TYMS: variants seen among roughly 807,000 people sequenced by gnomAD.
TYMS encodes thymidylate synthase.
Under a neutral mutation model 39.3 loss-of-function variants are expected in TYMS, and 21 were observed. That is an observed-to-expected ratio of 0.54 (90% confidence interval 0.38 to 0.77). The LOEUF is 0.77. TYMS is among the 30% of genes least tolerant of loss of function. The pLI is 0.00. For missense variants in TYMS, 273 were observed against 406.7 expected, an observed-to-expected ratio of 0.67 and a Z score of 2.83; for synonymous variants, 171 against 162.2, an observed-to-expected ratio of 1.05 and a Z score of -0.41.
In TYMS at chr18:659,230, C is replaced by G. The variant is rs138119499; in HGVS notation, c.206-411C>G. Among the ~76,000 whole-genome samples, 435 of 152,284 alleles carry G rather than the reference C, an allele frequency of 2.9e-3. 3 individuals are homozygous for G. Among genetic ancestry groups the G allele is most frequent in the African/African-American group, 9.8e-3 (409 of 41,556 alleles). On this transcript the variant is annotated intron_variant, in intron 1 of 6. Coordinates refer to ENST00000323274, the MANE Select transcript of TYMS (RefSeq NM_001071.4). ...GACTGCATTTAAAGATAAGTTTTTA[C>G]ACTTTCATTTCTCTGTGGCTCGACA... is the stretch of plus-strand genomic sequence containing the variant.
At chr18:664,142 C>T (rs1157382424) in intron 3 of TYMS, among the ~76,000 whole-genome samples, 1 of 151,670 alleles carries the variant, frequency 6.6e-6, no homozygotes, top group Non-Finnish European at 1.5e-5. Context: ...ATTCTTCCTA[C>T]CCATGAGCAT....
In TYMS at chr18:670,837, G is replaced by C. The variant is rs769045087; in HGVS notation, c.702G>C (p.Thr234=). 6.2e-7 allele frequency: 1 copy of C among 1,613,890 alleles called. No homozygotes were observed. The highest frequency in any genetic ancestry group is 1.3e-5 in the African/African-American group (1 of 74,862). ...PFNIASYALL[T]YMIAHITGLK... ...ACATCGCCAGCTACGCCCTGCTCAC[G>C]TACATGATTGCGCACATCACGGGCC... The change falls in exon 5 of 7, where the codon ACG becomes ACC. Residue 234 remains threonine, a synonymous_variant. Transcript: ENST00000323274.
chr18:668,935 G>A, intron 3 of TYMS, 137 bp from the exon 4 acceptor site: 1 of 622,994 alleles, frequency 1.6e-6, no homozygotes, highest in Non-Finnish European at 2.7e-6. Context: ...AAACTTTGCA[G>A]GATGCACCAG....
intron 2 of TYMS, among the ~76,000 whole-genome samples, chr18:661,811 C>T (rs1040694689): frequency 6.6e-6 from 1 of 152,178 alleles, no homozygotes; most frequent in African/African-American, 2.4e-5. Context: ...CATGGAGAAA[C>T]ACTGTCTCTA....
intron 2 of TYMS, among the ~76,000 whole-genome samples, chr18:661,015 T>G (rs1326441175): frequency 6.6e-6 from 1 of 152,218 alleles, no homozygotes; most frequent in Non-Finnish European, 1.5e-5. Context: ...ACCTTGGATT[T>G]GAAACATATC....
chr18:668,818 C>A lies in TYMS; in HGVS notation c.455-254C>A, dbSNP rs553713794. ...CAGGAGGAGGTGACTCCATGACAGA[C>A]CAAATATTCAAAGGACTGTGTAGAA... On this transcript the variant is annotated intron_variant, in intron 3 of 6. Coordinates refer to ENST00000323274, the MANE Select transcript of TYMS (RefSeq NM_001071.4). Among the ~76,000 whole-genome samples, 13 of 152,098 alleles carry A rather than the reference C, an allele frequency of 8.5e-5. No homozygotes were observed. The East Asian group carries it at 1.5e-3, about 18-fold the overall frequency.
chr18:668,598 T>C (rs903313939), intron 3 of TYMS, among the ~76,000 whole-genome samples: 1 of 152,208 alleles, frequency 6.6e-6, no homozygotes, highest in Non-Finnish European at 1.5e-5. Context: ...GAATCCATGG[T>C]CCTCTGTTAG....
chr18:661,441 G>C (rs1281219651), intron 2 of TYMS, among the ~76,000 whole-genome samples: 1 of 152,226 alleles, frequency 6.6e-6, no homozygotes, highest in Non-Finnish European at 1.5e-5. Context: ...CTGTATGCCA[G>C]GTAGAAGATA....
chr18:658,364 C>T lies in TYMS; in HGVS notation c.205+417C>T. The T allele has an allele frequency of 7.8e-7, 1 of 1,289,170 alleles. No homozygotes were observed. The highest frequency in any genetic ancestry group is 1.0e-6 in the Non-Finnish European group (1 of 989,406). The allele number at this position is 1,289,170 out of a possible 1,614,324, so 79.9% of individuals were successfully genotyped here. Reference sequence around the variant, plus strand: ...CCGTTTTCCCCTGTGGACCATTCCGCTTCGCAGCGTTTTCAAAAACTGGAG... The same window carrying T: ...CCGTTTTCCCCTGTGGACCATTCCGTTTCGCAGCGTTTTCAAAAACTGGAG... On this transcript the variant is annotated intron_variant, in intron 1 of 6. Transcript: ENST00000323274. The surrounding 1 kb of genome is among the most constrained non-coding windows in gnomAD (Gnocchi z 4.5).
In TYMS at chr18:673,345, A is replaced by C; in HGVS notation, c.*348A>C. 4.3e-6 allele frequency: 1 copy of C among 231,746 alleles called. No individual in the cohort carries two copies. Among genetic ancestry groups the C allele is most frequent in the South Asian group, 1.7e-4 (1 of 5,870 alleles). 14.4% of individuals were successfully genotyped at this position (231,746 alleles called of 1,614,324 possible). On this transcript the variant is annotated 3_prime_UTR_variant, in exon 7 of 7. Transcript: ENST00000323274. ...GTGAATTTCACAAGCTATTTTTGGA[A>C]TATTTTTAGAATATTTTAAGAATTT...
intron 3 of TYMS, among the ~76,000 whole-genome samples, chr18:668,313 A>C (rs1322972421): frequency 1.3e-5 from 2 of 152,222 alleles, no homozygotes; most frequent in African/African-American, 4.8e-5. Flanking sequence ...CTACTGAACC[A>C]GAATATAGTC....
chr18:672,038 C>T (rs1449116295), intron 6 of TYMS: 2 of 152,338 alleles, frequency 1.3e-5, no homozygotes, highest in Admixed American at 6.5e-5. Flanking sequence ...CCTCAGCCTC[C>T]GAAAATTCTG....
chr18:662,419 A>T (rs976615554), intron 3 of TYMS, 99 bp downstream of exon 3: 34 of 1,153,948 alleles, frequency 2.9e-5, no homozygotes, highest in Non-Finnish European at 4.1e-5. Context: ...AGTCAATGTC[A>T]CAGGAGCTGA....
At chr18:669,943 CAG>C (rs963280240) in intron 4 of TYMS, among the ~76,000 whole-genome samples, 14 of 151,878 alleles carry the variant, frequency 9.2e-5, no homozygotes, top group African/African-American at 3.1e-4. Flanking sequence ...GCCTGGGCAA[CAG>C]AGTGAGACCC....
chr18:659,975 G>A (rs2074740461), intron 2 of TYMS, among the ~76,000 whole-genome samples: 2 of 152,248 alleles, frequency 1.3e-5, no homozygotes, highest in South Asian at 4.1e-4. Flanking sequence ...TCAGGAGGCT[G>A]AGGCATGAGA....
chr18:672,641 G>A (rs1598484730), intron 6 of TYMS: 5 of 399,304 alleles, frequency 1.3e-5, no homozygotes, highest in East Asian at 7.1e-5. Flanking sequence ...CTGATGCTGT[G>A]TAATGTCACA....
Position 658,146 on chromosome 18 carries a change from A to G in TYMS, c.205+199A>G. The G allele has an allele frequency of 6.3e-7, 1 of 1,581,784 alleles. No homozygotes were observed. The highest frequency in any genetic ancestry group is 8.6e-7 in the Non-Finnish European group (1 of 1,166,754). On this transcript the variant is annotated intron_variant, in intron 1 of 6. Coordinates refer to ENST00000323274, the MANE Select transcript of TYMS (RefSeq NM_001071.4). This position sits in a 1 kb window ranked among gnomAD's most constrained non-coding sequence, Gnocchi z 4.5. ...TAGGGACGTGACTGGCGCGGGCAAC[A>G]CACACAGCAGCGACAGCCGGGAGGT...
rs200491273 is a variant in TYMS at position 659,736 on chromosome 18, G to A, written c.279+22G>A. 2.5e-4 allele frequency: 397 copies of A among 1,594,842 alleles called. 1 individual carries two copies. The African/African-American group carries it at 3.4e-3, about 14-fold the overall frequency. ...CAAGGTAAAGAAGTCGCTGCTATTA[G>A]AAGTCAGTAGTCTGTTCTCAACACA... On this transcript the variant is annotated intron_variant, in intron 2 of 6. Transcript: ENST00000323274.
In TYMS at chr18:672,919, T is replaced by G; in HGVS notation, c.864T>G (p.Ile288Met). The change falls in exon 7 of 7, where the codon ATT (isoleucine) becomes ATG (methionine). Residue 288 changes from isoleucine (I) to methionine (M), a missense_variant. This residue lies in a region of TYMS where 35 missense variants were observed against 42.4 expected (regional missense o/e 0.83). Transcript: ENST00000323274. ...KLRILRKVEKIDDFKAEDFQI... is the reference protein window; with the variant it reads ...KLRILRKVEKMDDFKAEDFQI... ...GGATTCTTCGAAAAGTTGAGAAAAT[T>G]GATGACTTCAAAGCTGAAGACTTTC... 6.3e-7 allele frequency: 1 copy of G among 1,598,514 alleles called. No individual in the cohort carries two copies. Among genetic ancestry groups the G allele is most frequent in the Non-Finnish European group, 8.6e-7 (1 of 1,167,852 alleles).
Sources: gnomAD v4.1 joint callset for allele counts (sites outside exome capture counted in the v4.1 genomes callset) on GRCh38, gnomAD v4.1.1 for gene constraint, gnomAD v4.1.1 regional missense constraint, Gnocchi (gnomAD v3.1) non-coding constraint, MANE v1.5 for transcripts, NCBI Gene and HGNC (gene_info 2026-07-23, HGNC 2026-07-21) for gene names.